NIPBL: variants seen among roughly 807,000 people sequenced by gnomAD.
The protein encoded by NIPBL is nipped-B-like protein.
In NIPBL, 19 loss-of-function variants were observed where a neutral mutation model predicts 321.8. The ratio of observed to expected loss-of-function variants is 0.06; its 90% CI spans 0.04 to 0.09. The LOEUF is 0.09. Ranked by LOEUF, NIPBL falls within the 10% of genes least tolerant of loss-of-function variation. The probability of loss-of-function intolerance (pLI) is 1.00; values close to 1 mark genes in which losing one functional copy is unlikely to be tolerated. For missense variants in NIPBL, 2,210 were observed against 3,327.0 expected (o/e 0.66, Z 8.26); for synonymous variants, 1,106 against 1,114.1 (o/e 0.99, Z 0.14).
chr5:36,962,313 G>T, intron 6 of NIPBL, 39 bp downstream of exon 6: 1 of 1,609,936 alleles, frequency 6.2e-7, no homozygotes. Context: ...GAATGTCTAA[G>T]TGCTTTAATT....
chr5:36,998,796 C>T (rs1746444013), intron 11 of NIPBL, among the ~76,000 whole-genome samples: 2 of 152,090 alleles, frequency 1.3e-5, no homozygotes, highest in African/African-American at 2.4e-5. Context: ...ACACACCCTA[C>T]TTATATTAGT....
chr5:36,892,277 G>A (rs1264690605), intron 1 of NIPBL, among the ~76,000 whole-genome samples: 1 of 152,152 alleles, frequency 6.6e-6, no homozygotes, highest in Non-Finnish European at 1.5e-5. Context: ...TCATTAAAAA[G>A]TCAGGAAACA....
At chr5:36,933,888 C>T (rs959657441) in intron 1 of NIPBL, among the ~76,000 whole-genome samples, 1 of 151,298 alleles carries the variant, frequency 6.6e-6, no homozygotes, top group African/African-American at 2.4e-5. Flanking sequence ...CCATGTAAAA[C>T]TTCAACTCTT....
At chr5:36,940,674 A>G (rs1738967901) in intron 1 of NIPBL, among the ~76,000 whole-genome samples, 1 of 152,190 alleles carries the variant, frequency 6.6e-6, no homozygotes, top group South Asian at 2.1e-4. Flanking sequence ...AAAAACAGCT[A>G]GGACTCTGGA....
intron 6 of NIPBL, among the ~76,000 whole-genome samples, chr5:36,965,813 CAT>C (rs1480836701): frequency 1.3e-5 from 2 of 151,858 alleles, no homozygotes; most frequent in African/African-American, 4.8e-5. Flanking sequence ...AATAATAAAA[CAT>C]AATTTTATTT....
At chr5:37,037,291 G>A (rs1316420724) in intron 33 of NIPBL, among the ~76,000 whole-genome samples, 2 of 151,370 alleles carry the variant, frequency 1.3e-5, no homozygotes, top group Non-Finnish European at 2.9e-5. Flanking sequence ...GGGAGGCTGA[G>A]GCAGGAGAAT....
Position 37,045,622 on chromosome 5 carries a change from C to G in NIPBL, c.6498+25C>G, listed in dbSNP as rs373126083. The G allele has an allele frequency of 1.4e-5, 22 of 1,608,750 alleles. No individual in the cohort carries two copies. In the African/African-American group the frequency reaches 2.9e-4, roughly 22 times the overall value. On this transcript the variant is annotated intron_variant, in intron 37 of 46. Coordinates refer to ENST00000282516, the MANE Select transcript of NIPBL (RefSeq NM_133433.4). ...GGTAAAGGTAGTAATACTTAAAATG[C>G]TATAAAACATAGAGCTATATGGCAC...
At chr5:37,027,010 G>A (rs951603442) in intron 31 of NIPBL, among the ~76,000 whole-genome samples, 17 of 151,820 alleles carry the variant, frequency 1.1e-4, no homozygotes, top group African/African-American at 3.6e-4. Flanking sequence ...ATCTAGAAGC[G>A]TAATAAGAAA....
Position 36,985,991 on chromosome 5 carries a change from T to C in NIPBL, c.2811T>C (p.Asn937=), listed in dbSNP as rs1744751864. The change falls in exon 10 of 47, where the codon AAT becomes AAC. Residue 937 remains asparagine, a synonymous_variant. Coordinates refer to ENST00000282516, the MANE Select transcript of NIPBL (RefSeq NM_133433.4). ...ACACTAATAAAGCACACCCTGACAA[T>C]AAGGCAGAATTTCCAAGTTATTTGT... ...KVDTNKAHPD[N]KAEFPSYLLG... is the part of the protein sequence containing the mutation. The C allele has an allele frequency of 6.2e-7, 1 of 1,613,720 alleles. No individual in the cohort carries two copies. The highest frequency in any genetic ancestry group is 1.7e-5 in the Admixed American group (1 of 59,922).
intron 1 of NIPBL, among the ~76,000 whole-genome samples, chr5:36,931,818 C>CT (rs920552086): frequency 1.5e-5 from 2 of 133,628 alleles, no homozygotes; most frequent in Non-Finnish European, 1.7e-5. Context: ...TTACTTTTAT[C>CT]TTTATTTTTT....
chr5:36,950,032 C>G (rs1005779411), intron 1 of NIPBL, among the ~76,000 whole-genome samples: 3 of 151,976 alleles, frequency 2.0e-5, no homozygotes, highest in Non-Finnish European at 2.9e-5. Context: ...AATGATTTCT[C>G]AATGTATTTT....
Position 36,996,196 on chromosome 5 carries a change from A to G in NIPBL, c.3304+392A>G, listed in dbSNP as rs773140651. Among the ~76,000 whole-genome samples, 6 of 152,180 alleles carry G rather than the reference A, an allele frequency of 3.9e-5. No individual in the cohort carries two copies. The highest frequency in any genetic ancestry group is 7.3e-5 in the Non-Finnish European group (5 of 68,030). On this transcript the variant is annotated intron_variant, in intron 11 of 46. Transcript: ENST00000282516. This position sits in a 1 kb window ranked among gnomAD's most constrained non-coding sequence, Gnocchi z 5.0. ...ATTGCAGTATGCTGATAAAAGTACA[A>G]TGATAACAGTAAATCCAGGGTGCTA...
chr5:36,912,980 A>G (rs376609398), intron 1 of NIPBL, among the ~76,000 whole-genome samples: 3 of 152,166 alleles, frequency 2.0e-5, no homozygotes, highest in East Asian at 3.8e-4. Flanking sequence ...GTGAAAAACA[A>G]TTGGCGTTAA....
intron 24 of NIPBL, among the ~76,000 whole-genome samples, chr5:37,019,071 C>A (rs1749327527): frequency 6.6e-6 from 1 of 152,138 alleles, no homozygotes; most frequent in African/African-American, 2.4e-5. Flanking sequence ...CCACTGGACT[C>A]CAGCCTGGGC....
At chr5:37,060,084 A>G (rs1453750884) in intron 44 of NIPBL, among the ~76,000 whole-genome samples, 1 of 152,218 alleles carries the variant, frequency 6.6e-6, no homozygotes, top group African/African-American at 2.4e-5. Flanking sequence ...ACCTGTCTCA[A>G]GTTTCCATAA....
Position 36,958,183 on chromosome 5 carries a change from C to T in NIPBL, c.310C>T (p.Pro104Ser). The T allele has an allele frequency of 6.2e-7, 1 of 1,613,878 alleles. No individual in the cohort carries two copies. The highest frequency in any genetic ancestry group is 8.5e-7 in the Non-Finnish European group (1 of 1,179,926). ...GTTGCAGGCCGTCCTGGCAAGGAGT[C>T]CTAATGTTTTCAGGGAGAAAAGCAT... ...VLLQAVLARS[P>S]NVFREKSMQN... is the part of the protein sequence containing the mutation. The change falls in exon 4 of 47, where the codon CCT becomes TCT. Residue 104 changes from proline to serine, a missense_variant. By Grantham distance (74) the Pro-to-Ser change is moderately conservative (BLOSUM62 -1). This residue lies in a region of NIPBL where 464 missense variants were observed against 529.5 expected (regional missense o/e 0.88). Transcript: ENST00000282516.
intron 1 of NIPBL, among the ~76,000 whole-genome samples, chr5:36,917,362 G>A (rs2149552990): frequency 6.6e-6 from 1 of 152,070 alleles, no homozygotes; most frequent in Non-Finnish European, 1.5e-5. Context: ...AAGTTTGTTT[G>A]AGTTCTTTGT....
intron 1 of NIPBL, among the ~76,000 whole-genome samples, chr5:36,888,360 A>G (rs1198661908): frequency 6.6e-6 from 1 of 151,916 alleles, no homozygotes; most frequent in African/African-American, 2.4e-5. Context: ...TTTTTAACTC[A>G]TTTTTTATCT....
At position 37,017,119 on chromosome 5, in the gene NIPBL, C is replaced by G. The variant is rs1749085657; in HGVS notation, c.4877C>G (p.Thr1626Arg). 4 of 1,612,556 alleles carry G rather than the reference C, an allele frequency of 2.5e-6. No homozygotes were observed. Among genetic ancestry groups the G allele is most frequent in the East Asian group, 2.2e-5 (1 of 44,770 alleles). Residue 1626 changes from threonine (T) to arginine (R), a missense_variant, in exon 24 of 47, where the codon ACA becomes AGA. By Grantham distance (71) the Thr-to-Arg change is moderately conservative. Around this residue, in one of 14 missense-constraint regions of NIPBL, gnomAD observed 138 missense variants for 175.8 expected, o/e 0.79. Transcript: ENST00000282516. The part of the protein sequence containing the change: ...VAARLRKDAV[T>R]SKMDQGSIER... ...GCACGGCTAAGAAAAGATGCTGTTA[C>G]AAGCAAAATGGATCAAGGATCTATA... is the stretch of plus-strand genomic sequence containing the variant.
Sources: gnomAD v4.1 joint callset for allele counts (sites outside exome capture counted in the v4.1 genomes callset) on GRCh38, gnomAD v4.1.1 for gene constraint, gnomAD v4.1.1 regional missense constraint, Gnocchi (gnomAD v3.1) non-coding constraint, MANE v1.5 for transcripts, NCBI Gene and HGNC (gene_info 2026-07-23, HGNC 2026-07-21) for gene names.